The following DNAH6 variants were observed in gnomAD, a reference collection of about 807,000 sequenced individuals.
DNAH6 encodes dynein axonemal heavy chain 6.
In DNAH6, 340 loss-of-function variants were observed where a neutral mutation model predicts 491.4. The ratio of observed to expected loss-of-function variants is 0.69; its 90% confidence interval spans 0.63 to 0.76. The LOEUF (loss-of-function observed/expected upper bound fraction) is 0.76, where lower values mean the gene tolerates loss of function less well. Among genes scored for constraint, DNAH6 ranks in the 30% least tolerant of loss-of-function variants. The pLI is 0.00. For synonymous variants in DNAH6, 1,603 were observed against 1,686.1 expected (o/e 0.95, Z 1.21); for missense variants, 4,443 against 4,972.2 (o/e 0.89, Z 3.20).
chr2:84,790,695 C>T (rs1330545764), intron 68 of DNAH6, among the ~76,000 whole-genome samples: 1 of 152,164 alleles, frequency 6.6e-6, no homozygotes, highest in East Asian at 1.9e-4. Context: ...CCACTTCACA[C>T]CTACTAGGAT....
intron 33 of DNAH6, among the ~76,000 whole-genome samples, chr2:84,652,999 A>T (rs1457148096): frequency 6.6e-6 from 1 of 151,992 alleles, no homozygotes; most frequent in Non-Finnish European, 1.5e-5. Flanking sequence ...AAATAAGTTC[A>T]TCACCTTCTA....
chr2:84,521,916 A>G (rs920067755), intron 2 of DNAH6, among the ~76,000 whole-genome samples: 2 of 152,100 alleles, frequency 1.3e-5, no homozygotes, highest in African/African-American at 4.8e-5. Context: ...TGATGCCTCC[A>G]GTGTTCTTCT....
chr2:84,520,999 C>A (rs1383258186), intron 2 of DNAH6, among the ~76,000 whole-genome samples: 1 of 151,992 alleles, frequency 6.6e-6, no homozygotes, highest in South Asian at 2.1e-4. Flanking sequence ...CTACTTTCCA[C>A]AATGGTTGTT....
intron 26 of DNAH6, among the ~76,000 whole-genome samples, chr2:84,622,008 A>T (rs903629174): frequency 6.6e-6 from 1 of 152,214 alleles, no homozygotes. Flanking sequence ...TTTAAATACC[A>T]TCAGGAACTT....
At chr2:84,546,442 C>T (rs1042428953) in intron 5 of DNAH6, among the ~76,000 whole-genome samples, 7 of 152,200 alleles carry the variant, frequency 4.6e-5, no homozygotes, top group South Asian at 2.1e-4. Context: ...CAAGCATTGT[C>T]GACCCTACTA....
At chr2:84,502,051 T>A in the DNAH6 span, among the ~76,000 whole-genome samples, 1 of 152,144 alleles carries the variant, frequency 6.6e-6, no homozygotes, top group Non-Finnish European at 1.5e-5. Flanking sequence ...TCTATATTAT[T>A]TTTCTTCTAC....
At chr2:84,751,524 A>G (rs987814257) in intron 63 of DNAH6, among the ~76,000 whole-genome samples, 5 of 152,218 alleles carry the variant, frequency 3.3e-5, no homozygotes, top group Non-Finnish European at 5.9e-5. Context: ...AGTAAGCCCC[A>G]TGGTATAGGC....
chr2:84,544,376 A>G lies in DNAH6; in HGVS notation c.806A>G (p.Lys269Arg). 7 of 1,546,300 alleles carry G rather than the reference A, an allele frequency of 4.5e-6. No individual in the cohort carries two copies. Among genetic ancestry groups the G allele is most frequent in the Non-Finnish European group, 6.1e-6 (7 of 1,142,244 alleles). The change falls in exon 5 of 77, where the codon AAG (lysine) becomes AGG (arginine). Residue 269 changes from lysine to arginine, a missense_variant. Coordinates refer to ENST00000389394, the MANE Select transcript of DNAH6 (RefSeq NM_001370.2). The stretch of plus-strand genomic sequence containing the variant: ...TATCTGTATCACAGAGAACTCACTA[A>G]GATTCCCATATTTTCACTGTTCCGG... ...QEYLYHRELT[K>R]IPIFSLFRKW...
rs1429870045 is a variant in DNAH6 at position 84,630,491 on chromosome 2, C to T, written c.4516-4013C>T. Among the ~76,000 whole-genome samples the T allele has an allele frequency of 4.6e-5, 7 of 152,116 alleles. No individual in the cohort carries two copies. The East Asian group carries it at 1.4e-3, about 29-fold the overall frequency. On this transcript the variant is annotated intron_variant, in intron 29 of 76. Transcript: ENST00000389394. ...ATGAGATAAAGGACCATGTTAACAC[C>T]ACAAGAATACAATCAGCTAAATATG...
chr2:84,762,716 C>A (rs908809759), intron 63 of DNAH6, 39 bp from the exon 64 acceptor site: 3 of 1,397,316 alleles, frequency 2.1e-6, no homozygotes, highest in Non-Finnish European at 3.0e-6. Flanking sequence ...TATGAAGGAT[C>A]CTCATTCAAC....
intron 52 of DNAH6, 103 bp downstream of exon 52, chr2:84,705,850 A>G: frequency 1.6e-6 from 2 of 1,288,168 alleles, no homozygotes; most frequent in Non-Finnish European, 2.0e-6. Context: ...CAATATAGAC[A>G]GTGACAAAAC....
intron 59 of DNAH6, among the ~76,000 whole-genome samples, chr2:84,720,624 T>G (rs1289396741): frequency 6.6e-6 from 1 of 152,124 alleles, no homozygotes; most frequent in East Asian, 1.9e-4. Flanking sequence ...AGGATTATTT[T>G]TATAAATCGG....
intron 31 of DNAH6, among the ~76,000 whole-genome samples, chr2:84,640,186 G>T (rs1689259199): frequency 6.6e-6 from 1 of 152,032 alleles, no homozygotes; most frequent in Non-Finnish European, 1.5e-5. Context: ...TGTCCCCAAA[G>T]CTACATCTTC....
intron 12 of DNAH6, among the ~76,000 whole-genome samples, chr2:84,576,803 G>T (rs751837961): frequency 6.6e-6 from 1 of 152,154 alleles, no homozygotes; most frequent in Non-Finnish European, 1.5e-5. Flanking sequence ...GAGATGTGTT[G>T]GGAAGAGAAA....
chr2:84,618,298 G>A (rs1299201207), intron 23 of DNAH6, among the ~76,000 whole-genome samples: 1 of 152,090 alleles, frequency 6.6e-6, no homozygotes, highest in Non-Finnish European at 1.5e-5. Flanking sequence ...GGATTGTCAG[G>A]AGGACACCTG....
chr2:84,561,235 A>C (rs1267017227), intron 11 of DNAH6, among the ~76,000 whole-genome samples: 1 of 152,190 alleles, frequency 6.6e-6, no homozygotes, highest in African/African-American at 2.4e-5. Context: ...ATAACGCCGC[A>C]TATCTTCAAC....
rs751322336 is a variant in DNAH6 at position 84,686,490 on chromosome 2, A to G, written c.7070A>G (p.His2357Arg). The change falls in exon 44 of 77, where the codon CAT (histidine) becomes CGT (arginine). Residue 2357 changes from histidine to arginine, a missense_variant. By Grantham distance (29) the His-to-Arg change is conservative (BLOSUM62 0). This residue lies in a region of DNAH6 where 2,977 missense variants were observed against 3,296.6 expected (regional missense o/e 0.90). Coordinates refer to ENST00000389394, the MANE Select transcript of DNAH6 (RefSeq NM_001370.2). ...HVILTEMANK[H>R]FGIAIDLEYF... ...GGTTTTGTTCTTTAAATAGACAAAC[A>G]TTTTGGAATTGCAATTGACCTGGAA... 3 of 1,525,152 alleles carry G rather than the reference A, an allele frequency of 2.0e-6. No individual in the cohort carries two copies. In the African/African-American group the frequency reaches 4.1e-5, roughly 21 times the overall value. The allele number at this position is 1,525,152 out of a possible 1,614,324, so 94.5% of individuals were successfully genotyped here.
At chr2:84,636,974 G>A (rs1002972263) in intron 30 of DNAH6, among the ~76,000 whole-genome samples, 2 of 152,146 alleles carry the variant, frequency 1.3e-5, no homozygotes, top group Non-Finnish European at 2.9e-5. Flanking sequence ...GGCTAGGAAG[G>A]AAGAGACAGT....
At chr2:84,762,711 A>C in intron 63 of DNAH6, 44 bp from the exon 64 acceptor site, 33 of 1,319,478 alleles carry the variant, frequency 2.5e-5, no homozygotes, top group Non-Finnish European at 3.3e-5. Flanking sequence ...AAAATTATGA[A>C]GGATCCTCAT....
Sources: gnomAD v4.1 joint callset for allele counts (sites outside exome capture counted in the v4.1 genomes callset) on GRCh38, gnomAD v4.1.1 for gene constraint, gnomAD v4.1.1 regional missense constraint, MANE v1.5 for transcripts, NCBI Gene and HGNC (gene_info 2026-07-23, HGNC 2026-07-21) for gene names.